Variants in CTNNA1 observed in about 807,000 individuals in gnomAD.
The protein encoded by CTNNA1 is catenin alpha-1.
In CTNNA1, 37 loss-of-function variants were observed where a neutral mutation model predicts 98.4. The observed-to-expected ratio is 0.38, with a 90% CI of 0.29 to 0.49. The LOEUF (loss-of-function observed/expected upper bound fraction) is 0.49, where lower values mean the gene tolerates loss of function less well. Among genes scored for constraint, CTNNA1 ranks in the 20% least tolerant of loss-of-function variants. CTNNA1 has a pLI of 0.95. For missense variants in CTNNA1, 761 were observed against 1,147.2 expected, an observed-to-expected ratio of 0.66 and a Z score of 4.86; for synonymous variants, 404 against 413.2, an observed-to-expected ratio of 0.98 and a Z score of 0.27.
chr5:138,851,701 G>A (rs1763197128), intron 7 of CTNNA1, among the ~76,000 whole-genome samples: 2 of 152,176 alleles, frequency 1.3e-5, no homozygotes, highest in Non-Finnish European at 2.9e-5. Flanking sequence ...GGAAGTTGCA[G>A]TGAGCCGAGA....
intron 7 of CTNNA1, among the ~76,000 whole-genome samples, chr5:138,884,381 A>G (rs915123060): frequency 1.1e-4 from 17 of 152,258 alleles, no homozygotes; most frequent in African/African-American, 3.1e-4. Context: ...ATGGCAAATC[A>G]GATCCTAAAA....
At chr5:138,783,507 T>TAA in intron 3 of CTNNA1, 135 bp downstream of exon 3, 1 of 697,556 alleles carries the variant, frequency 1.4e-6, no homozygotes, top group Non-Finnish European at 2.4e-6. Context: ...TTATTGGAGA[T>TAA]GTATTAAGTT....
chr5:138,850,006 A>ACT (rs920858255), intron 7 of CTNNA1, among the ~76,000 whole-genome samples: 4 of 151,184 alleles, frequency 2.6e-5, no homozygotes, highest in African/African-American at 7.3e-5. Context: ...ACACACACAC[A>ACT]CTCTCTCTCT....
chr5:138,883,588 C>G (rs1467854706), intron 7 of CTNNA1, among the ~76,000 whole-genome samples: 2 of 152,156 alleles, frequency 1.3e-5, no homozygotes, highest in Non-Finnish European at 2.9e-5. Context: ...AACAGTAAAT[C>G]TTTTTACTCA....
chr5:138,830,238 T>A (rs1450535028), intron 7 of CTNNA1, among the ~76,000 whole-genome samples: 3 of 151,228 alleles, frequency 2.0e-5, no homozygotes, highest in Admixed American at 2.0e-4. Flanking sequence ...TGGGGGCCCC[T>A]GTAGTCCCAG....
At chr5:138,782,401 C>T (rs762887697) in intron 2 of CTNNA1, 4 of 416,190 alleles carry the variant, frequency 9.6e-6, no homozygotes, top group Admixed American at 8.3e-5. Flanking sequence ...GATTAATTAG[C>T]AGGTAATTCA....
intron 1 of CTNNA1, 190 bp downstream of exon 1, chr5:138,753,700 C>A (rs995716890): frequency 3.3e-5 from 11 of 328,372 alleles, no homozygotes; most frequent in Non-Finnish European, 5.0e-5. Flanking sequence ...CCGGCGGTCC[C>A]TTCCCCCGCA....
chr5:138,847,196 A>G (rs1044481929), intron 7 of CTNNA1, among the ~76,000 whole-genome samples: 1 of 152,164 alleles, frequency 6.6e-6, no homozygotes, highest in Non-Finnish European at 1.5e-5. Context: ...ATAGGTTTTT[A>G]CTTTTTTGCT....
intron 1 of CTNNA1, among the ~76,000 whole-genome samples, chr5:138,769,400 ATTT>A (rs914828479): frequency 6.6e-6 from 1 of 151,186 alleles, no homozygotes. Context: ...TATTATTATT[ATTT>A]TTTGAGATGG....
intron 5 of CTNNA1, among the ~76,000 whole-genome samples, chr5:138,814,793 G>A (rs1304897455): frequency 5.3e-5 from 8 of 151,752 alleles, no homozygotes; most frequent in South Asian, 2.1e-4. Flanking sequence ...ACATTCTGTC[G>A]CCCACGCTGG....
chr5:138,804,726 T>C (rs1168486324), intron 3 of CTNNA1, among the ~76,000 whole-genome samples: 2 of 71,852 alleles, frequency 2.8e-5, no homozygotes, highest in South Asian at 4.7e-4. Context: ...TCAGCTGTTA[T>C]GAATAGTGAC....
intron 6 of CTNNA1, among the ~76,000 whole-genome samples, chr5:138,827,083 G>A (rs2011462): frequency 0.65 from 98,390 of 152,112 alleles, 32,554 homozygotes; most frequent in East Asian, 0.89. Flanking sequence ...GGCTTGTTTG[G>A]CTTTTATTTT....
chr5:138,916,797 C>G (rs530690344), intron 10 of CTNNA1, among the ~76,000 whole-genome samples: 2 of 149,646 alleles, frequency 1.3e-5, no homozygotes, highest in South Asian at 4.2e-4. Context: ...TTTGAGACAA[C>G]AAGTTTCACT....
At chr5:138,914,858 A>T (rs1359408942) in intron 10 of CTNNA1, among the ~76,000 whole-genome samples, 1 of 152,014 alleles carries the variant, frequency 6.6e-6, no homozygotes, top group African/African-American at 2.4e-5. Flanking sequence ...TTATAAACAC[A>T]TTTACTGGGC....
At chr5:138,758,402 G>A (rs945698144) in intron 1 of CTNNA1, among the ~76,000 whole-genome samples, 8 of 148,382 alleles carry the variant, frequency 5.4e-5, no homozygotes, top group Non-Finnish European at 1.0e-4. Context: ...TTGTTGAGAC[G>A]GAGTCTCGCT....
chr5:138,874,291 G>C lies in CTNNA1; in HGVS notation c.1063-11921G>C. 6.2e-7 allele frequency: 1 copy of C among 1,613,996 alleles called. No homozygotes were observed. Among genetic ancestry groups the C allele is most frequent in the Non-Finnish European group, 8.5e-7 (1 of 1,179,902 alleles). On this transcript the variant is annotated intron_variant, in intron 7 of 17. Transcript: ENST00000302763. This position sits in a 1 kb window ranked among gnomAD's most constrained non-coding sequence, Gnocchi z 4.1. The stretch of plus-strand genomic sequence containing the variant: ...TTGAAATTTGATTGTGATCTAAGTG[G>C]AGCCAAGTAAGTTGACTGAAGCTGG...
At chr5:138,814,152 CTT>C (rs1229712264) in intron 5 of CTNNA1, among the ~76,000 whole-genome samples, 2 of 151,848 alleles carry the variant, frequency 1.3e-5, no homozygotes, top group East Asian at 1.9e-4. Flanking sequence ...ATCAGACTAA[CTT>C]ATATATGAGA....
intron 1 of CTNNA1, among the ~76,000 whole-genome samples, chr5:138,763,279 T>C (rs1182605417): frequency 6.6e-6 from 1 of 152,242 alleles, no homozygotes; most frequent in Non-Finnish European, 1.5e-5. Flanking sequence ...TTCAAGTTAA[T>C]TGAAGGATTG....
At position 138,795,430 on chromosome 5, in the gene CTNNA1, C is replaced by T. The variant is rs1335059019; in HGVS notation, c.301+12058C>T. ...CCGAGATTGTGCCACGGCACTCCAG[C>T]CTGGGCGACAGCGAGACTCTGTCTC... On this transcript the variant is annotated intron_variant, in intron 3 of 17. Coordinates refer to ENST00000302763, the MANE Select transcript of CTNNA1 (RefSeq NM_001903.5). Among the ~76,000 whole-genome samples, 5 of 151,884 alleles carry T rather than the reference C, an allele frequency of 3.3e-5. No homozygotes were observed. The East Asian group carries it at 7.7e-4, about 23-fold the overall frequency.
Sources: gnomAD v4.1 joint callset for allele counts (sites outside exome capture counted in the v4.1 genomes callset) on GRCh38, gnomAD v4.1.1 for gene constraint, Gnocchi (gnomAD v3.1) non-coding constraint, MANE v1.5 for transcripts, NCBI Gene and HGNC (gene_info 2026-07-23, HGNC 2026-07-21) for gene names.